Variants in KIF16B observed in about 807,000 individuals in gnomAD.
KIF16B encodes kinesin family member 16B.
In KIF16B, 98 loss-of-function variants were observed where a neutral mutation model predicts 156.3. The ratio of observed to expected loss-of-function variants is 0.63; its 90% CI spans 0.53 to 0.74. KIF16B has a LOEUF of 0.74. KIF16B is among the 30% of genes least tolerant of loss of function. KIF16B has a pLI of 0.00. For missense variants in KIF16B, 1,421 were observed against 1,606.5 expected, an observed-to-expected ratio of 0.88 and a Z score of 1.97; for synonymous variants, 564 against 583.7, an observed-to-expected ratio of 0.97 and a Z score of 0.49.
At chr20:16,536,290 G>A (rs934001308) in intron 1 of KIF16B, among the ~76,000 whole-genome samples, 7 of 152,054 alleles carry the variant, frequency 4.6e-5, no homozygotes, top group Non-Finnish European at 1.0e-4. Context: ...TTAAAAAATG[G>A]ATCATATGGA....
chr20:16,355,143 A>T (rs2064413954), intron 23 of KIF16B, among the ~76,000 whole-genome samples: 1 of 152,114 alleles, frequency 6.6e-6, no homozygotes, highest in South Asian at 2.1e-4. Flanking sequence ...AAAGAATGTG[A>T]CATCTGAAAA....
intron 23 of KIF16B, among the ~76,000 whole-genome samples, chr20:16,348,767 A>G (rs2064280322): frequency 6.6e-6 from 1 of 152,246 alleles, no homozygotes; most frequent in Admixed American, 6.5e-5. Context: ...GAGGTACAAC[A>G]AAATTCCTAA....
chr20:16,431,390 T>C (rs1053525243), intron 12 of KIF16B, among the ~76,000 whole-genome samples: 1 of 152,164 alleles, frequency 6.6e-6, no homozygotes, highest in Non-Finnish European at 1.5e-5. Flanking sequence ...CTCACTCTCA[T>C]CTTCTGCCGC....
chr20:16,430,527 C>T (rs750309122), intron 12 of KIF16B, among the ~76,000 whole-genome samples: 1 of 152,142 alleles, frequency 6.6e-6, no homozygotes, highest in Non-Finnish European at 1.5e-5. Flanking sequence ...AACCCCACCA[C>T]GTCTTTTGGC....
intron 25 of KIF16B, among the ~76,000 whole-genome samples, chr20:16,280,530 C>T (rs1271861465): frequency 6.6e-6 from 1 of 152,150 alleles, no homozygotes; most frequent in East Asian, 1.9e-4. Context: ...TACAAAGTTT[C>T]CGGTTCATGA....
chr20:16,515,848 C>T (rs1453838016), intron 3 of KIF16B, among the ~76,000 whole-genome samples, 184 bp from the exon 4 acceptor site: 9 of 152,238 alleles, frequency 5.9e-5, no homozygotes, highest in Non-Finnish European at 1.5e-5. Context: ...CAAAAATAAA[C>T]TTTTTAAGCA....
At chr20:16,419,781 C>G (rs1173267752) in intron 15 of KIF16B, among the ~76,000 whole-genome samples, 1 of 152,024 alleles carries the variant, frequency 6.6e-6, no homozygotes, top group East Asian at 1.9e-4. Context: ...AGAATAGCTC[C>G]TAGAAGTTAT....
chr20:16,452,225 G>A (rs2067100891), intron 12 of KIF16B, among the ~76,000 whole-genome samples: 1 of 152,136 alleles, frequency 6.6e-6, no homozygotes, highest in Admixed American at 6.5e-5. Flanking sequence ...AGTGAACAAA[G>A]AGTCCAGAGA....
intron 23 of KIF16B, among the ~76,000 whole-genome samples, chr20:16,347,683 G>C (rs1257207848): frequency 1.3e-5 from 2 of 152,132 alleles, no homozygotes; most frequent in Admixed American, 6.5e-5. Context: ...TCTTAGTGTA[G>C]TTACTTTCAC....
At chr20:16,398,894 G>T (rs752662301) in intron 17 of KIF16B, among the ~76,000 whole-genome samples, 1 of 152,216 alleles carries the variant, frequency 6.6e-6, no homozygotes, top group Non-Finnish European at 1.5e-5. Context: ...TAGCACAGAG[G>T]AGGAGGCCAG....
Position 16,547,785 on chromosome 20 carries a change from T to A in KIF16B, c.48-19345A>T, listed in dbSNP as rs571411494. The stretch of plus-strand genomic sequence containing the variant: ...ATCCAGGAAACATCAGGGCATCAAC[T>A]GAAGGCAAGCACGCTGACCATGGTC... On this transcript the variant is annotated intron_variant, in intron 1 of 25. Coordinates refer to ENST00000354981, the MANE Select transcript of KIF16B (RefSeq NM_024704.5). Among the ~76,000 whole-genome samples the A allele has an allele frequency of 2.6e-5, 4 of 152,318 alleles. No homozygotes were observed. In the South Asian group the frequency reaches 8.3e-4, roughly 32 times the overall value.
intron 23 of KIF16B, among the ~76,000 whole-genome samples, chr20:16,345,609 T>G (rs1368573489): frequency 6.6e-6 from 1 of 152,192 alleles, no homozygotes; most frequent in Non-Finnish European, 1.5e-5. Flanking sequence ...GAAAACATAC[T>G]GTGATAAAAC....
At chr20:16,572,517 G>GATTAAAAAGAGGTC (rs1156445490) in intron 1 of KIF16B, among the ~76,000 whole-genome samples, 8 of 152,288 alleles carry the variant, frequency 5.3e-5, no homozygotes, top group Non-Finnish European at 1.0e-4. Context: ...TTTCTAAACG[G>GATTAAAAAGAGGTC]ATTAAAAAGA....
rs538972327 is a variant in KIF16B at position 16,534,078 on chromosome 20, C to T, written c.48-5638G>A. Among the ~76,000 whole-genome samples, 3 of 152,078 alleles carry T rather than the reference C, an allele frequency of 2.0e-5. 1 individual carries two copies. Among genetic ancestry groups the T allele is most frequent in the African/African-American group, 7.2e-5 (3 of 41,502 alleles). ...TTCAAGACCAACCTGGCCAACATGG[C>T]GAAACCCCATCTCTACTAAAAATAC... is the stretch of plus-strand genomic sequence containing the variant. On this transcript the variant is annotated intron_variant, in intron 1 of 25. Coordinates refer to ENST00000354981, the MANE Select transcript of KIF16B (RefSeq NM_024704.5).
chr20:16,524,837 T>C (rs2069479359), intron 3 of KIF16B, among the ~76,000 whole-genome samples: 1 of 152,206 alleles, frequency 6.6e-6, no homozygotes, highest in Admixed American at 6.5e-5. Flanking sequence ...CATGGAATAC[T>C]ATGCAGCCAT....
chr20:16,361,265 T>C (rs1281681727), intron 22 of KIF16B, among the ~76,000 whole-genome samples: 1 of 152,150 alleles, frequency 6.6e-6, no homozygotes, highest in African/African-American at 2.4e-5. Context: ...AAATGGAGAT[T>C]TGGGGAAAGA....
At chr20:16,491,852 A>C (rs2068302534) in intron 12 of KIF16B, among the ~76,000 whole-genome samples, 1 of 152,200 alleles carries the variant, frequency 6.6e-6, no homozygotes, top group African/African-American at 2.4e-5. Context: ...ACGCAGGGCA[A>C]GGGAAGCCAC....
At chr20:16,552,851 A>C (rs1482590310) in intron 1 of KIF16B, among the ~76,000 whole-genome samples, 1 of 151,870 alleles carries the variant, frequency 6.6e-6, no homozygotes, top group African/African-American at 2.4e-5. Flanking sequence ...GGCTCCCTGC[A>C]ACCTTCTGGG....
chr20:16,382,086 G>C (rs1265544378), intron 17 of KIF16B: 1 of 1,344,782 alleles, frequency 7.4e-7, no homozygotes, highest in Admixed American at 2.0e-5. Context: ...TATAAAAATG[G>C]AGAATCTCTA....
Sources: gnomAD v4.1 joint callset for allele counts (sites outside exome capture counted in the v4.1 genomes callset) on GRCh38, gnomAD v4.1.1 for gene constraint, MANE v1.5 for transcripts, NCBI Gene and HGNC (gene_info 2026-07-23, HGNC 2026-07-21) for gene names.